DIP2C: variants seen among roughly 807,000 people sequenced by gnomAD.
DIP2C encodes the protein DIP2 acetate--CoA ligase C (putative), also known as disco-interacting protein 2 homolog C.
In DIP2C, 33 loss-of-function variants were observed where a neutral mutation model predicts 192.4. The observed-to-expected ratio is 0.17, with a 90% CI of 0.13 to 0.23. The LOEUF is 0.23. DIP2C is among the 10% of genes least tolerant of loss of function. The pLI, the probability that DIP2C is intolerant of heterozygous loss-of-function variation, is 1.00. For synonymous variants in DIP2C, 979 were observed against 864.1 expected, an observed-to-expected ratio of 1.13 and a Z score of -2.33; for missense variants, 1,537 against 2,110.1, an observed-to-expected ratio of 0.73 and a Z score of 5.32.
chr10:543,493 TGCAGA>T (rs1359690888), intron 1 of DIP2C, among the ~76,000 whole-genome samples: 1 of 152,252 alleles, frequency 6.6e-6, no homozygotes, highest in Non-Finnish European at 1.5e-5. Flanking sequence ...AAAGTGCTTC[TGCAGA>T]GCATTCAGCT....
At chr10:602,471 G>T (rs897189109) in intron 1 of DIP2C, among the ~76,000 whole-genome samples, 1 of 152,214 alleles carries the variant, frequency 6.6e-6, no homozygotes, top group Non-Finnish European at 1.5e-5. Context: ...TGTGGCCTTT[G>T]GGAGGCCTCG....
intron 17 of DIP2C, among the ~76,000 whole-genome samples, chr10:378,094 T>G (rs1961846572): frequency 6.6e-6 from 1 of 152,202 alleles, no homozygotes; most frequent in African/African-American, 2.4e-5. Flanking sequence ...CAATTTGTCC[T>G]TTAAAAAATG....
At chr10:645,972 T>C (rs887514968) in intron 1 of DIP2C, among the ~76,000 whole-genome samples, 1 of 152,214 alleles carries the variant, frequency 6.6e-6, no homozygotes, top group African/African-American at 2.4e-5. Flanking sequence ...TATTGTATCA[T>C]TACTCTTTAA....
intron 1 of DIP2C, among the ~76,000 whole-genome samples, chr10:640,992 G>A (rs753521279): frequency 2.0e-5 from 3 of 152,154 alleles, no homozygotes; most frequent in African/African-American, 7.2e-5. Context: ...TCCAATTAAC[G>A]TGATGCTACG....
intron 1 of DIP2C, among the ~76,000 whole-genome samples, chr10:511,642 CCCA>C (rs139371004): frequency 0.97 from 147,073 of 152,076 alleles, 71,304 homozygotes; most frequent in Non-Finnish European, 1. Context: ...CCAGCCTCCC[CCCA>C]CAAGTCAGTC....
intron 35 of DIP2C, 23 bp downstream of exon 35, chr10:283,249 G>T (rs1451035713): frequency 6.3e-7 from 1 of 1,580,956 alleles, no homozygotes; most frequent in Non-Finnish European, 8.6e-7. Flanking sequence ...TGTTGGGGGG[G>T]GGCCGCCAGC....
In DIP2C at chr10:600,556, G is replaced by A. The variant is rs192125732; in HGVS notation, c.85+88938C>T. Among the ~76,000 whole-genome samples, 12 of 152,126 alleles carry A rather than the reference G, an allele frequency of 7.9e-5. No individual in the cohort carries two copies. In the East Asian group the frequency reaches 2.4e-3, roughly 30 times the overall value. ...GTCCACCTTAAAGAGGACGGCCCAG[G>A]GTGTGCGGATGCTCCCGTGCGACCC... On this transcript the variant is annotated intron_variant, in intron 1 of 36. Transcript: ENST00000280886.
chr10:647,172 T>C (rs1247874019), intron 1 of DIP2C, among the ~76,000 whole-genome samples: 1 of 151,524 alleles, frequency 6.6e-6, no homozygotes, highest in South Asian at 2.1e-4. Context: ...CACATCCACA[T>C]TGGACGGTGG....
At chr10:308,395 T>C (rs1444088028) in intron 32 of DIP2C, among the ~76,000 whole-genome samples, 1 of 151,850 alleles carries the variant, frequency 6.6e-6, no homozygotes, top group Non-Finnish European at 1.5e-5. Flanking sequence ...GCTAGCAGCC[T>C]AGTCAGGGAA....
intron 1 of DIP2C, among the ~76,000 whole-genome samples, chr10:541,259 T>A (rs1258695823): frequency 6.6e-6 from 1 of 152,094 alleles, no homozygotes; most frequent in Non-Finnish European, 1.5e-5. Context: ...GTGTCCTCTG[T>A]CACAGACACA....
At chr10:609,009 C>G (rs1439263398) in intron 1 of DIP2C, among the ~76,000 whole-genome samples, 1 of 151,554 alleles carries the variant, frequency 6.6e-6, no homozygotes, top group Admixed American at 6.6e-5. Context: ...CAGAAGAAAA[C>G]CCTATAAGCA....
At chr10:580,543 A>T (rs1057073012) in intron 1 of DIP2C, among the ~76,000 whole-genome samples, 2 of 152,206 alleles carry the variant, frequency 1.3e-5, no homozygotes, top group African/African-American at 4.8e-5. Flanking sequence ...ATGTACATGC[A>T]TGCCCATAGC....
intron 1 of DIP2C, among the ~76,000 whole-genome samples, chr10:595,711 G>A (rs1851662345): frequency 6.6e-6 from 1 of 152,198 alleles, no homozygotes; most frequent in Admixed American, 6.5e-5. Flanking sequence ...CGCCCACCCT[G>A]TGGAGCTGCA....
chr10:356,631 C>G, intron 23 of DIP2C, 125 bp from the exon 24 acceptor site: 3 of 712,954 alleles, frequency 4.2e-6, no homozygotes, highest in Non-Finnish European at 6.9e-6. Context: ...AAACCGCATG[C>G]TTCTCTGCAG....
chr10:491,931 A>C (rs193171642), intron 1 of DIP2C, among the ~76,000 whole-genome samples: 17 of 152,266 alleles, frequency 1.1e-4, no homozygotes, highest in Middle Eastern at 3.4e-3. Context: ...GGCTAGGAAG[A>C]AGCTCAGAAT....
intron 26 of DIP2C, among the ~76,000 whole-genome samples, chr10:346,323 A>G (rs1958450490): frequency 1.2e-5 from 1 of 84,208 alleles, no homozygotes; most frequent in African/African-American, 5.6e-5. Flanking sequence ...ACCCAGACAC[A>G]TCGCGCATAG....
intron 3 of DIP2C, among the ~76,000 whole-genome samples, chr10:447,007 C>T (rs1048799830): frequency 4.1e-4 from 63 of 152,178 alleles, no homozygotes; most frequent in African/African-American, 1.1e-3. Context: ...TAAAAAGCTT[C>T]GGCATCTATA....
chr10:440,596 G>T (rs191527087), intron 4 of DIP2C, among the ~76,000 whole-genome samples: 1 of 152,108 alleles, frequency 6.6e-6, no homozygotes, highest in African/African-American at 2.4e-5. Context: ...CCCCTACAAA[G>T]AATTAAATGA....
intron 1 of DIP2C, among the ~76,000 whole-genome samples, chr10:496,242 A>C (rs1844824120): frequency 6.7e-6 from 1 of 149,170 alleles, no homozygotes; most frequent in South Asian, 2.1e-4. Flanking sequence ...TGCTGAGTAC[A>C]CAGAACCAAT....
Sources: allele counts gnomAD v4.1 joint callset (sites outside exome capture counted in the v4.1 genomes callset), GRCh38; gene constraint gnomAD v4.1.1; transcripts MANE v1.5; gene names NCBI Gene and HGNC (gene_info 2026-07-23, HGNC 2026-07-21).